Variants in SHANK1 observed in about 807,000 individuals in gnomAD.
SHANK1 encodes the protein SH3 and multiple ankyrin repeat domains 1.
Under a neutral mutation model 165.6 loss-of-function variants are expected in SHANK1, and 35 were observed. The observed-to-expected ratio is 0.21, with a 90% confidence interval of 0.16 to 0.28. SHANK1 has a LOEUF of 0.28. Ranked by LOEUF, SHANK1 falls within the 10% of genes least tolerant of loss-of-function variation. The pLI, the probability that SHANK1 is intolerant of heterozygous loss-of-function variation, is 1.00. For synonymous variants in SHANK1, 1,428 were observed against 1,384.8 expected (o/e 1.03, Z -0.69); for missense variants, 2,681 against 3,036.4 (o/e 0.88, Z 2.75).
At position 50,717,702 on chromosome 19, in the gene SHANK1, T is replaced by TG. The variant is rs1232252192; in HGVS notation, c.-43-741dup. ...GTGCGGGTAGGTGGGGAGGTCGGCCTGGGGAGTGCTGTCCAGGTGACAGTG... is the reference window on the plus strand; with the variant it reads ...GTGCGGGTAGGTGGGGAGGTCGGCCTGGGGGAGTGCTGTCCAGGTGACAGTG... On this transcript the variant is annotated intron_variant, in intron 1 of 23. Transcript: ENST00000293441. This position sits in a 1 kb window ranked among gnomAD's most constrained non-coding sequence, Gnocchi z 5.5. Among the ~76,000 whole-genome samples the TG allele has an allele frequency of 3.3e-5, 5 of 151,868 alleles. No homozygotes were observed. Among genetic ancestry groups the TG allele is most frequent in the Non-Finnish European group, 7.4e-5 (5 of 67,944 alleles).
At chr19:50,691,173 T>C (rs1243107800) in intron 15 of SHANK1, among the ~76,000 whole-genome samples, 2 of 151,514 alleles carry the variant, frequency 1.3e-5, no homozygotes, top group Non-Finnish European at 2.9e-5. Context: ...TGAATGAGGG[T>C]AGGAAAAGGG....
chr19:50,683,590 G>A (rs1054760633), intron 21 of SHANK1, among the ~76,000 whole-genome samples: 1 of 152,062 alleles, frequency 6.6e-6, no homozygotes, highest in Non-Finnish European at 1.5e-5. Flanking sequence ...ACCATGCTTG[G>A]GGGACCTTTT....
At chr19:50,680,800 C>G (rs1362161675) in intron 21 of SHANK1, among the ~76,000 whole-genome samples, 1 of 152,146 alleles carries the variant, frequency 6.6e-6, no homozygotes, top group Non-Finnish European at 1.5e-5. Context: ...GAATAACAGG[C>G]GTGCGCCACC....
chr19:50,716,665 T>C lies in SHANK1; in HGVS notation c.255A>G (p.Thr85=). 1 of 1,566,658 alleles carries C rather than the reference T, an allele frequency of 6.4e-7. No homozygotes were observed. Among genetic ancestry groups the C allele is most frequent in the Non-Finnish European group, 8.6e-7 (1 of 1,156,402 alleles). Residue 85 remains threonine, a splice_region_variant and synonymous_variant, in exon 2 of 24, where the codon ACA becomes ACG. Transcript: ENST00000293441. This position sits in a 1 kb window ranked among gnomAD's most constrained non-coding sequence, Gnocchi z 8.4. ...FRIGIPDLHQ[T]KCLRFNPDAT... The stretch of plus-strand genomic sequence containing the variant: ...CGCTGGCCAGTGGGCAGGTACTCAC[T>C]GTCTGGTGCAGGTCCGGGATGCCAA...
Position 50,686,603 on chromosome 19 carries a change from G to C in SHANK1, c.2458+141C>G. 1 of 805,818 alleles carries C rather than the reference G, an allele frequency of 1.2e-6. No homozygotes were observed. Among genetic ancestry groups the C allele is most frequent in the Non-Finnish European group, 2.0e-6 (1 of 508,254 alleles). 49.9% of individuals were successfully genotyped at this position (805,818 alleles called of 1,614,324 possible). A position where few individuals can be genotyped will look rare whatever the true frequency, so the allele number is the denominator to read the frequency against. ...ACGGGGCAGCCGTCGGGAGAGGGCGGGCGGAGGGAGGGGAGGTGGGATCGC... is the reference window on the plus strand; with the variant it reads ...ACGGGGCAGCCGTCGGGAGAGGGCGCGCGGAGGGAGGGGAGGTGGGATCGC... On this transcript the variant is annotated intron_variant, in intron 20 of 23. Coordinates refer to ENST00000293441, the MANE Select transcript of SHANK1 (RefSeq NM_016148.5). The surrounding 1 kb of genome is among the most constrained non-coding windows in gnomAD (Gnocchi z 5.7).
At chr19:50,682,075 T>C (rs1986198316) in intron 21 of SHANK1, among the ~76,000 whole-genome samples, 1 of 151,336 alleles carries the variant, frequency 6.6e-6, no homozygotes, top group African/African-American at 2.4e-5. Flanking sequence ...ATTTTTTTTT[T>C]AGACGGAGTC....
rs927336809 is a variant in SHANK1, at chr19:50,697,109, T to C, written c.1951A>G (p.Ile651Val). 2 of 1,610,784 alleles carry C rather than the reference T, an allele frequency of 1.2e-6. No homozygotes were observed. The highest frequency in any genetic ancestry group is 1.7e-6 in the Non-Finnish European group (2 of 1,178,798). Residue 651 changes from isoleucine (I) to valine (V), a missense_variant, in exon 15 of 24, where the codon ATT (isoleucine) becomes GTT (valine). This residue lies in a region of SHANK1 where 147 missense variants were observed against 256.5 expected (regional missense o/e 0.57). Coordinates refer to ENST00000293441, the MANE Select transcript of SHANK1 (RefSeq NM_016148.5). This position sits in a 1 kb window ranked among gnomAD's most constrained non-coding sequence, Gnocchi z 4.7. ...CTCGCCTCTCACCTCCCTGGGCCAATCCCATCCATTAAGCTTCCGAAGCAA... is the reference window on the plus strand; with the variant it reads ...CTCGCCTCTCACCTCCCTGGGCCAACCCCATCCATTAAGCTTCCGAAGCAA... ...SFDAPSLMDGIGPGSDYIIKE... is the reference protein window; with the variant it reads ...SFDAPSLMDGVGPGSDYIIKE...
Position 50,668,219 on chromosome 19 carries a change from C to T in SHANK1, c.3741G>A (p.Gln1247=). Residue 1247 remains glutamine (Q), a synonymous_variant, in exon 23 of 24, where the codon CAG becomes CAA. Transcript: ENST00000293441. ...VGAARREGGW[Q]NEARRRSTLF... ...GCGTGGAGCGCCGGCGCGCCTCATT[C>T]TGCCAGCCCCCCTCCCTCCGGGCCG... 1 of 1,496,044 alleles carries T rather than the reference C, an allele frequency of 6.7e-7. No homozygotes were observed. The highest frequency in any genetic ancestry group is 8.8e-7 in the Non-Finnish European group (1 of 1,135,970). The allele number at this position is 1,496,044 out of a possible 1,614,324, so 92.7% of individuals were successfully genotyped here. A position where few individuals can be genotyped will look rare whatever the true frequency, so the allele number is the denominator to read the frequency against.
At chr19:50,673,065 G>A (rs10412362) in intron 21 of SHANK1, among the ~76,000 whole-genome samples, 12,899 of 151,990 alleles carry the variant, frequency 0.085, 1,750 homozygotes, top group African/African-American at 0.29. Flanking sequence ...CGCCCAGTCC[G>A]TTATGTGTCC....
rs771254276 is a variant in SHANK1 at position 50,668,976 on chromosome 19, G to A, written c.2984C>T (p.Pro995Leu). 2.1e-5 allele frequency: 13 copies of A among 632,556 alleles called. No homozygotes were observed. Among genetic ancestry groups the A allele is most frequent in the African/African-American group, 2.0e-4 (10 of 50,004 alleles). The allele number at this position is 632,556 out of a possible 1,614,324, so 39.2% of individuals were successfully genotyped here. Residue 995 changes from proline to leucine, a missense_variant, in exon 23 of 24, where the codon CCG (proline) becomes CTG (leucine). Transcript: ENST00000293441. ...KSLYHSGPLP[P>L]AHHHPPHHHH... Reference sequence around the variant, plus strand: ...GTGGTGGGGCGGGTGGTGGTGGGCCGGGGGCAGGGGCCCACTGTGGTACAG... The same window carrying A: ...GTGGTGGGGCGGGTGGTGGTGGGCCAGGGGCAGGGGCCCACTGTGGTACAG...
At chr19:50,679,490 T>C (rs73042598) in intron 21 of SHANK1, among the ~76,000 whole-genome samples, 1 of 152,092 alleles carries the variant, frequency 6.6e-6, no homozygotes, top group Non-Finnish European at 1.5e-5. Context: ...AGGGAGCACC[T>C]GAACTCCACC....
Position 50,711,500 on chromosome 19 carries a change from G to A in SHANK1, c.961-13C>T, listed in dbSNP as rs373177471. The A allele has an allele frequency of 5.1e-6, 8 of 1,554,818 alleles. No individual in the cohort carries two copies. The highest frequency in any genetic ancestry group is 1.4e-5 in the African/African-American group (1 of 73,444). On this transcript the variant is annotated splice_polypyrimidine_tract_variant and intron_variant, in intron 7 of 23. Transcript: ENST00000293441. ...CCCGCTGGCAGGCCTGGGCAGGACA[G>A]GGAGCGAGGGGCATGGATCAGACCC...
intron 8 of SHANK1, among the ~76,000 whole-genome samples, chr19:50,709,081 C>T (rs540148865): frequency 2.6e-5 from 4 of 152,334 alleles, no homozygotes; most frequent in African/African-American, 9.6e-5. Flanking sequence ...GTTTGTTAAG[C>T]CCATGGCAAA....
At position 50,660,344 on chromosome 19, in the gene SHANK1, A is replaced by T. The variant is rs2123051793; in HGVS notation, c.*1621T>A. Among the ~76,000 whole-genome samples the T allele has an allele frequency of 6.6e-6, 1 of 152,014 alleles. No homozygotes were observed. Among genetic ancestry groups the T allele is most frequent in the Admixed American group, 6.5e-5 (1 of 15,268 alleles). Reference sequence around the variant, plus strand: ...GGGATGGACAGATGGCCCAGGAAAGACAGAAGAGGGAGGATGTGAGGAAGG... The same window carrying T: ...GGGATGGACAGATGGCCCAGGAAAGTCAGAAGAGGGAGGATGTGAGGAAGG... On this transcript the variant is annotated 3_prime_UTR_variant, in exon 24 of 24. Transcript: ENST00000293441.
intron 21 of SHANK1, among the ~76,000 whole-genome samples, chr19:50,673,814 C>CTT (rs35868452): frequency 0.033 from 4,816 of 144,460 alleles, 165 homozygotes; most frequent in African/African-American, 0.089. Context: ...AAAATTTAAA[C>CTT]TTTTTTTTTT....
chr19:50,671,393 C>T (rs566574168), intron 22 of SHANK1, among the ~76,000 whole-genome samples: 29 of 150,960 alleles, frequency 1.9e-4, no homozygotes, highest in African/African-American at 7.1e-4. Context: ...CCATGTTAAC[C>T]AGGATGGTCT....
At chr19:50,665,662 A>G (rs973736768) in intron 23 of SHANK1, among the ~76,000 whole-genome samples, 8 of 146,668 alleles carry the variant, frequency 5.5e-5, no homozygotes, top group Non-Finnish European at 9.0e-5. Context: ...GCTTGAGCCC[A>G]GGAGTTTGAG....
chr19:50,668,310 G>C lies in SHANK1; in HGVS notation c.3650C>G (p.Pro1217Arg). 3.9e-6 allele frequency: 5 copies of C among 1,289,124 alleles called. No homozygotes were observed. The South Asian group carries it at 7.6e-5, about 20-fold the overall frequency. The allele number at this position is 1,289,124 out of a possible 1,614,324, so 79.9% of individuals were successfully genotyped here. ...VPPSPSPVPTPASPSGPATLD... is the reference protein window; with the variant it reads ...VPPSPSPVPTRASPSGPATLD... Reference sequence around the variant, plus strand: ...CGTGGCCGGGCCGCTGGGCGAGGCGGGGGTGGGCACGGGCGAGGGGGACGG... The same window carrying C: ...CGTGGCCGGGCCGCTGGGCGAGGCGCGGGTGGGCACGGGCGAGGGGGACGG... Residue 1217 changes from proline (P) to arginine (R), a missense_variant, in exon 23 of 24, where the codon CCC becomes CGC. Pro to Arg is a moderately radical substitution (Grantham distance 103). Coordinates refer to ENST00000293441, the MANE Select transcript of SHANK1 (RefSeq NM_016148.5).
At chr19:50,679,385 G>A (rs1242670157) in intron 21 of SHANK1, among the ~76,000 whole-genome samples, 1 of 151,982 alleles carries the variant, frequency 6.6e-6, no homozygotes, top group Non-Finnish European at 1.5e-5. Context: ...GACAAAAATG[G>A]GTTAGCTTGA....
Sources: gnomAD v4.1 joint callset for allele counts (sites outside exome capture counted in the v4.1 genomes callset) on GRCh38, gnomAD v4.1.1 for gene constraint, gnomAD v4.1.1 regional missense constraint, Gnocchi (gnomAD v3.1) non-coding constraint, MANE v1.5 for transcripts, NCBI Gene and HGNC (gene_info 2026-07-23, HGNC 2026-07-21) for gene names.